RASSF4: variants seen among roughly 807,000 people sequenced by gnomAD.
RASSF4 encodes the protein Ras association domain family member 4.
Under a neutral mutation model 41.1 loss-of-function variants are expected in RASSF4, and 38 were observed. The observed-to-expected ratio is 0.92, with a 90% CI of 0.71 to 1.21. The LOEUF (loss-of-function observed/expected upper bound fraction) is 1.21. Among genes scored for constraint, RASSF4 ranks in the 50% most tolerant of loss-of-function variants. The probability of loss-of-function intolerance (pLI) is 0.00; values close to 1 mark genes in which losing one functional copy is unlikely to be tolerated. For synonymous variants in RASSF4, 179 were observed against 163.4 expected (o/e 1.10, Z -0.73); for missense variants, 414 against 419.4 (o/e 0.99, Z 0.11).
chr10:44,980,406 A>T (rs896721355), intron 3 of RASSF4, among the ~76,000 whole-genome samples: 2 of 152,204 alleles, frequency 1.3e-5, no homozygotes, highest in Admixed American at 1.3e-4. Context: ...CTGCTGGCTG[A>T]CGGGGCTTTC....
intron 8 of RASSF4, among the ~76,000 whole-genome samples, chr10:44,990,183 ACC>A (rs1842059229): frequency 6.6e-6 from 1 of 151,580 alleles, no homozygotes; most frequent in African/African-American, 2.4e-5. Flanking sequence ...CCTTTCTCCC[ACC>A]CCTCAGATCT....
rs968991403 is a variant in RASSF4, at chr10:44,984,817, C to T, written c.378C>T (p.Pro126=). ...KAESSTDSSG[P]LEEAEEAPQL... ...TCTCACCCATTTCTCATGCAGGGCC[C>T]CTGGAGGAGGCAGAGGAGGCCCCCC... The change falls in exon 6 of 11, where the codon CCC becomes CCT. Residue 126 remains proline (P), a synonymous_variant. Transcript: ENST00000340258. The T allele has an allele frequency of 6.2e-7, 1 of 1,613,420 alleles. No homozygotes were observed. Among genetic ancestry groups the T allele is most frequent in the African/African-American group, 1.3e-5 (1 of 74,948 alleles).
At chr10:44,977,823 C>T in intron 3 of RASSF4, 1 of 1,604,744 alleles carries the variant, frequency 6.2e-7, no homozygotes, top group Non-Finnish European at 8.5e-7. Flanking sequence ...CAGGCCTGGG[C>T]TGGCCTGTGG....
rs779111566 is a variant in RASSF4, at chr10:44,977,499, A to T, written c.139-5022A>T. The T allele has an allele frequency of 5.6e-6, 9 of 1,613,130 alleles. No individual in the cohort carries two copies. In the Admixed American group the frequency reaches 1.3e-4, roughly 24 times the overall value. On this transcript the variant is annotated intron_variant, in intron 3 of 10. Transcript: ENST00000340258. ...GCTTGGGCAGACTGCCCAAAAGTCC[A>T]GCTTCTTAGGTCAGAGCTCTGCTGC...
In RASSF4 at chr10:44,960,344, C is replaced by G. The variant is rs540562617; in HGVS notation, c.-39+478C>G. Among the ~76,000 whole-genome samples the G allele has an allele frequency of 2.6e-4, 40 of 152,356 alleles. 1 individual carries two copies. Among genetic ancestry groups the G allele is most frequent in the Admixed American group, 2.4e-3 (36 of 15,308 alleles). ...AACACGATATGCCTCTTACTCCTCA[C>G]AGCAAGTGAGAGTCCTACTTTCGTT... On this transcript the variant is annotated intron_variant, in intron 1 of 10. Transcript: ENST00000340258.
In RASSF4 at chr10:44,991,979, A is replaced by G; in HGVS notation, c.882A>G (p.Arg294=). The change falls in exon 10 of 11, where the codon AGA becomes AGG. Residue 294 remains arginine (R), a synonymous_variant. Coordinates refer to ENST00000340258, the MANE Select transcript of RASSF4 (RefSeq NM_032023.4). ...AAAAATTAAAAGAAGAGGAAGAAAG[A>G]GAAATAATCAAACTGACCATGAAGT... ...FVEKLKEEEE[R]EIIKLTMKFQ... 6.2e-7 allele frequency: 1 copy of G among 1,610,978 alleles called. No individual in the cohort carries two copies. The highest frequency in any genetic ancestry group is 8.5e-7 in the Non-Finnish European group (1 of 1,177,198).
intron 1 of RASSF4, among the ~76,000 whole-genome samples, chr10:44,969,941 G>A (rs1181724218): frequency 2.0e-5 from 3 of 152,242 alleles, no homozygotes; most frequent in African/African-American, 7.2e-5. Context: ...GCGGCTGAAA[G>A]GACCAGTGTC....
intron 1 of RASSF4, among the ~76,000 whole-genome samples, chr10:44,962,543 C>T (rs1231346220): frequency 6.6e-6 from 1 of 152,166 alleles, no homozygotes; most frequent in Non-Finnish European, 1.5e-5. Context: ...GGGCAGTGGA[C>T]AGCACAGGTG....
intron 6 of RASSF4, among the ~76,000 whole-genome samples, chr10:44,988,788 GC>G (rs1468018186): frequency 6.6e-6 from 1 of 152,204 alleles, no homozygotes; most frequent in Non-Finnish European, 1.5e-5. Flanking sequence ...GTTCCTGTAG[GC>G]AGCGGTGCAG....
chr10:44,983,196 G>A (rs150421563), intron 4 of RASSF4: 15 of 346,600 alleles, frequency 4.3e-5, no homozygotes, highest in East Asian at 3.1e-4. Flanking sequence ...CCCAAAAGAC[G>A]CAGTTAGTAG....
At chr10:44,969,864 A>T (rs1330666965) in intron 1 of RASSF4, among the ~76,000 whole-genome samples, 1 of 152,224 alleles carries the variant, frequency 6.6e-6, no homozygotes, top group African/African-American at 2.4e-5. Flanking sequence ...GGAAGGGAGC[A>T]TGTGATCTAA....
intron 6 of RASSF4, among the ~76,000 whole-genome samples, chr10:44,986,096 A>G (rs1044557738): frequency 5.9e-5 from 9 of 152,138 alleles, no homozygotes; most frequent in African/African-American, 1.9e-4. Flanking sequence ...ATAAATGTTG[A>G]TATGCTAGTG....
chr10:44,991,088 T>C lies in RASSF4; in HGVS notation c.807+19T>C. On this transcript the variant is annotated intron_variant, in intron 9 of 10. Transcript: ENST00000340258. ...CCATGAAGTGAGTGGGGGCCAAGGC[T>C]GGGGAGGCCTGCTCTAGGGTGAGGG... 6.2e-7 allele frequency: 1 copy of C among 1,606,294 alleles called. No individual in the cohort carries two copies.
At chr10:44,986,055 A>C (rs926860008) in intron 6 of RASSF4, among the ~76,000 whole-genome samples, 1 of 152,200 alleles carries the variant, frequency 6.6e-6, no homozygotes, top group African/African-American at 2.4e-5. Flanking sequence ...TTTAGTGTGT[A>C]ATGTGTTGGG....
chr10:44,988,034 T>G (rs1304995695), intron 6 of RASSF4, among the ~76,000 whole-genome samples: 1 of 152,130 alleles, frequency 6.6e-6, no homozygotes, highest in Non-Finnish European at 1.5e-5. Context: ...AAAACAGAGC[T>G]AGGATCTCAG....
At chr10:44,981,858 C>CA (rs1357134137) in intron 3 of RASSF4, 1 of 152,720 alleles carries the variant, frequency 6.5e-6, no homozygotes, top group East Asian at 1.9e-4. Flanking sequence ...GGAGAGAAGC[C>CA]ATGTCACCTG....
chr10:44,984,423 C>T (rs1385841764), intron 5 of RASSF4: 3 of 495,872 alleles, frequency 6.0e-6, no homozygotes, highest in Admixed American at 3.5e-5. Context: ...CCTGGCCCCT[C>T]ACCTCCCTCT....
At chr10:44,962,753 G>C (rs185248863) in intron 1 of RASSF4, among the ~76,000 whole-genome samples, 7 of 152,242 alleles carry the variant, frequency 4.6e-5, no homozygotes, top group South Asian at 2.1e-4. Context: ...AGGTGAGCCT[G>C]GTTGGTGGGG....
chr10:44,975,173 C>A (rs539446093), intron 3 of RASSF4, among the ~76,000 whole-genome samples: 2 of 152,270 alleles, frequency 1.3e-5, no homozygotes, highest in South Asian at 4.1e-4. Flanking sequence ...CCCAGGGACC[C>A]CTCAGCAATG....
Sources: allele counts gnomAD v4.1 joint callset (sites outside exome capture counted in the v4.1 genomes callset), GRCh38; gene constraint gnomAD v4.1.1; transcripts MANE v1.5; gene names NCBI Gene and HGNC (gene_info 2026-07-23, HGNC 2026-07-21).